Variants in AKAP7 observed in about 807,000 individuals in gnomAD.
AKAP7 encodes the protein A kinase (PRKA) anchor protein 7.
Under a neutral mutation model 39.5 loss-of-function variants are expected in AKAP7, and 39 were observed. The ratio of observed to expected loss-of-function variants is 0.99; its 90% CI spans 0.76 to 1.29. The LOEUF (loss-of-function observed/expected upper bound fraction) is 1.29. AKAP7 is among the 50% of genes most tolerant of loss of function. The probability of loss-of-function intolerance (pLI) is 0.00; values close to 1 mark genes in which losing one functional copy is unlikely to be tolerated. For missense variants in AKAP7, 414 were observed against 407.7 expected (o/e 1.02, Z -0.13); for synonymous variants, 140 against 139.1 (o/e 1.01, Z -0.05).
At chr6:131,162,434 C>A (rs184050579) in intron 3 of AKAP7, among the ~76,000 whole-genome samples, 1 of 152,170 alleles carries the variant, frequency 6.6e-6, no homozygotes, top group South Asian at 2.1e-4. Flanking sequence ...GTCACAGACT[C>A]CGCTGCATGT....
Position 131,270,358 on chromosome 6 carries a change from A to G in AKAP7, c.851-11172A>G, listed in dbSNP as rs977385796. Reference sequence around the variant, plus strand: ...CTTTGAATCTAGTTTATTTCACACAACGTATTTTAGTTTCATCTGTATTGT... The same window carrying G: ...CTTTGAATCTAGTTTATTTCACACAGCGTATTTTAGTTTCATCTGTATTGT... On this transcript the variant is annotated intron_variant, in intron 7 of 7. Coordinates refer to ENST00000431975, the MANE Select transcript of AKAP7 (RefSeq NM_016377.4). Among the ~76,000 whole-genome samples, 7 of 152,232 alleles carry G rather than the reference A, an allele frequency of 4.6e-5. No individual in the cohort carries two copies. The East Asian group carries it at 7.7e-4, about 17-fold the overall frequency.
chr6:131,146,594 G>A (rs1801506833), intron 2 of AKAP7, among the ~76,000 whole-genome samples: 3 of 152,194 alleles, frequency 2.0e-5, no homozygotes, highest in South Asian at 2.1e-4. Context: ...AAGGAAAAGC[G>A]TCAATATGTT....
Position 131,219,821 on chromosome 6 carries a change from T to A in AKAP7, c.850+13T>A, listed in dbSNP as rs1809547425. On this transcript the variant is annotated intron_variant, in intron 7 of 7. Transcript: ENST00000431975. ...TCCATTGTGATTGGTGAGTGTCATT[T>A]AAAAATTATTTATTATCTTTATTTT... 6.8e-7 allele frequency: 1 copy of A among 1,461,544 alleles called. No individual in the cohort carries two copies. The highest frequency in any genetic ancestry group is 9.1e-7 in the Non-Finnish European group (1 of 1,104,502). The allele number at this position is 1,461,544 out of a possible 1,614,324, so 90.5% of individuals were successfully genotyped here.
In AKAP7 at chr6:131,158,232, G is replaced by A. The variant is rs565548507; in HGVS notation, c.152-1827G>A. On this transcript the variant is annotated intron_variant, in intron 2 of 7. Transcript: ENST00000431975. ...AGTAGCAAAGTTTTTCTGCTTTTCTGTTTTATCGTGTAAAATAAGGGATTC... is the reference window on the plus strand; with the variant it reads ...AGTAGCAAAGTTTTTCTGCTTTTCTATTTTATCGTGTAAAATAAGGGATTC... Among the ~76,000 whole-genome samples the A allele has an allele frequency of 1.8e-3, 276 of 152,276 alleles. 1 individual carries two copies. Among genetic ancestry groups the A allele is most frequent in the Non-Finnish European group, 1.6e-3 (107 of 68,016 alleles).
In AKAP7 at chr6:131,236,150, A is replaced by G. The variant is rs551328268; in HGVS notation, c.850+16342A>G. 5.3e-5 allele frequency among the ~76,000 whole-genome samples: 8 copies of G among 152,124 alleles called. No individual in the cohort carries two copies. The South Asian group carries it at 1.7e-3, about 32-fold the overall frequency. On this transcript the variant is annotated intron_variant, in intron 7 of 7. Coordinates refer to ENST00000431975, the MANE Select transcript of AKAP7 (RefSeq NM_016377.4). ...CTAGCCAGTTTTCCCAGCACCATTT[A>G]TTAAATAGGGAATCGTTTCCCCATT... is the stretch of plus-strand genomic sequence containing the variant.
chr6:131,156,868 G>A (rs562507116), intron 2 of AKAP7, among the ~76,000 whole-genome samples: 13 of 151,540 alleles, frequency 8.6e-5, no homozygotes, highest in Admixed American at 3.9e-4. Context: ...TCCGCCTCCC[G>A]GGTTCACGCC....
chr6:131,280,445 C>A (rs549368705), intron 7 of AKAP7, among the ~76,000 whole-genome samples: 1 of 152,312 alleles, frequency 6.6e-6, no homozygotes, highest in South Asian at 2.1e-4. Flanking sequence ...GTTCTTCAAT[C>A]CCTATTACAT....
At chr6:131,268,308 A>G (rs1813982243) in intron 7 of AKAP7, among the ~76,000 whole-genome samples, 1 of 152,218 alleles carries the variant, frequency 6.6e-6, no homozygotes, top group South Asian at 2.1e-4. Context: ...ATCAGTTTCC[A>G]TCACTACTGC....
At chr6:131,241,167 A>G (rs1421456918) in intron 7 of AKAP7, among the ~76,000 whole-genome samples, 1 of 152,184 alleles carries the variant, frequency 6.6e-6, no homozygotes, top group Non-Finnish European at 1.5e-5. Flanking sequence ...CTGGTACAGT[A>G]TAAGCACGAT....
intron 4 of AKAP7, among the ~76,000 whole-genome samples, chr6:131,168,393 C>T (rs1185831747): frequency 2.0e-5 from 3 of 150,564 alleles, no homozygotes; most frequent in Non-Finnish European, 4.4e-5. Flanking sequence ...GCTTGGGTGA[C>T]AGAGAACCTG....
intron 7 of AKAP7, among the ~76,000 whole-genome samples, chr6:131,241,765 A>G (rs1811646452): frequency 6.6e-6 from 1 of 151,966 alleles, no homozygotes. Flanking sequence ...TGAGATATGT[A>G]TTGTACAGAA....
chr6:131,189,400 A>G (rs1439819668), intron 5 of AKAP7, among the ~76,000 whole-genome samples: 2 of 152,232 alleles, frequency 1.3e-5, no homozygotes, highest in Non-Finnish European at 2.9e-5. Flanking sequence ...CTCAAATTGG[A>G]GATCATGTGA....
the AKAP7 span, among the ~76,000 whole-genome samples, chr6:131,129,338 C>T: frequency 6.6e-6 from 1 of 150,662 alleles, no homozygotes; most frequent in African/African-American, 2.4e-5. Context: ...TAGAAGAATG[C>T]TTAATGACAT....
intron 2 of AKAP7, among the ~76,000 whole-genome samples, 167 bp from the exon 3 acceptor site, chr6:131,159,892 A>G (rs958019516): frequency 6.6e-6 from 1 of 152,326 alleles, no homozygotes; most frequent in Admixed American, 6.5e-5. Flanking sequence ...TGCAATGCCT[A>G]AACTATTTAC....
At chr6:131,254,049 T>C (rs1256535957) in intron 7 of AKAP7, among the ~76,000 whole-genome samples, 2 of 152,188 alleles carry the variant, frequency 1.3e-5, no homozygotes, top group Non-Finnish European at 2.9e-5. Flanking sequence ...ACAGCAGAGC[T>C]TGTCATGGTT....
chr6:131,283,342 A>G lies in AKAP7; in HGVS notation c.*1616A>G, dbSNP rs937971402. 2.6e-5 allele frequency: 4 copies of G among 152,614 alleles called. No homozygotes were observed. The highest frequency in any genetic ancestry group is 7.2e-5 in the African/African-American group (3 of 41,434). 9.5% of individuals were successfully genotyped at this position (152,614 alleles called of 1,614,324 possible). A position where few individuals can be genotyped will look rare whatever the true frequency, so the allele number is the denominator to read the frequency against. ...ATGATTGTTGGTAACAACTTTTTCT[A>G]TAGTCATTGATGGAGTAGATCATGA... On this transcript the variant is annotated 3_prime_UTR_variant, in exon 8 of 8. Coordinates refer to ENST00000431975, the MANE Select transcript of AKAP7 (RefSeq NM_016377.4).
chr6:131,156,159 GA>G (rs1438782872), intron 2 of AKAP7, among the ~76,000 whole-genome samples: 7 of 152,046 alleles, frequency 4.6e-5, no homozygotes, highest in Admixed American at 4.6e-4. Context: ...AGTACAGGTT[GA>G]TAGCTGCCAG....
intron 6 of AKAP7, among the ~76,000 whole-genome samples, chr6:131,211,813 C>T (rs1048718032): frequency 1.3e-5 from 2 of 150,604 alleles, no homozygotes; most frequent in South Asian, 4.2e-4. Context: ...TTTATGTAAT[C>T]CCTGTAATTC....
rs141957061 is a variant in AKAP7 at position 131,154,277 on chromosome 6, C to T, written c.152-5782C>T. Among the ~76,000 whole-genome samples the T allele has an allele frequency of 8.5e-5, 13 of 152,132 alleles. No individual in the cohort carries two copies. The East Asian group carries it at 2.5e-3, about 29-fold the overall frequency. On this transcript the variant is annotated intron_variant, in intron 2 of 7. Transcript: ENST00000431975. ...TAACCCACTAATGGGTTGATGCTTG[C>T]AATTTGGGAAAAAAATAACCTAGAC... is the stretch of plus-strand genomic sequence containing the variant.
Sources: allele counts gnomAD v4.1 joint callset (sites outside exome capture counted in the v4.1 genomes callset), GRCh38; gene constraint gnomAD v4.1.1; transcripts MANE v1.5; gene names NCBI Gene and HGNC (gene_info 2026-07-23, HGNC 2026-07-21).